The following AIF1L variants were observed in gnomAD, a reference collection of about 807,000 sequenced individuals.
The protein encoded by AIF1L is allograft inflammatory factor 1 like.
AIF1L carries 12 observed loss-of-function variants against 20.7 expected under a neutral mutation model. The ratio of observed to expected loss-of-function variants is 0.58; its 90% CI spans 0.37 to 0.94. The LOEUF (loss-of-function observed/expected upper bound fraction) is 0.94. AIF1L is among the 40% of genes least tolerant of loss of function. The probability of loss-of-function intolerance (pLI) is 0.01; values close to 1 mark genes in which losing one functional copy is unlikely to be tolerated. For synonymous variants in AIF1L, 76 were observed against 65.1 expected (o/e 1.17, Z -0.81); for missense variants, 173 against 185.3 (o/e 0.93, Z 0.39).
In AIF1L at chr9:131,120,712, G is replaced by A. The variant is rs1051956055; in HGVS notation, c.*390G>A. On this transcript the variant is annotated 3_prime_UTR_variant, in exon 6 of 6. Transcript: ENST00000247291. ...TCAGGCTCACTGACCTGGCTCTGAC[G>A]AGGACCCCAGGCCACTCTGAGAAGA... 7 of 299,882 alleles carry A rather than the reference G, an allele frequency of 2.3e-5. No homozygotes were observed. Among genetic ancestry groups the A allele is most frequent in the East Asian group, 1.8e-4 (3 of 16,644 alleles). 18.6% of individuals were successfully genotyped at this position (299,882 alleles called of 1,614,324 possible).
intron 3 of AIF1L, 56 bp from the exon 4 acceptor site, chr9:131,114,521 C>T: frequency 6.2e-7 from 1 of 1,600,342 alleles, no homozygotes; most frequent in Non-Finnish European, 8.6e-7. Flanking sequence ...CCACTGGGTC[C>T]CCACAGGGAG....
chr9:131,099,220 T>A (rs1440161950), intron 2 of AIF1L, among the ~76,000 whole-genome samples: 3 of 152,158 alleles, frequency 2.0e-5, no homozygotes, highest in Non-Finnish European at 4.4e-5. Context: ...TGGAAGATAC[T>A]CCGCCCTGGC....
Position 131,120,328 on chromosome 9 carries a change from C to T in AIF1L, c.*6C>T. 1 of 1,606,382 alleles carries T rather than the reference C, an allele frequency of 6.2e-7. No homozygotes were observed. On this transcript the variant is annotated 3_prime_UTR_variant, in exon 6 of 6. Transcript: ENST00000247291. Reference sequence around the variant, plus strand: ...ACATTGCTAGCCTGCCCTGAGGACCCCGCCTGGACTCCCCAGCCTTCCCAC... The same window carrying T: ...ACATTGCTAGCCTGCCCTGAGGACCTCGCCTGGACTCCCCAGCCTTCCCAC...
In AIF1L at chr9:131,118,174, C is replaced by A. The variant is rs753137055; in HGVS notation, c.365+256C>A. ...GTGGTGTGATCTTGGCTCACTGCAA[C>A]CTCCGCCTCCTGGGTTCAAGTGATT... On this transcript the variant is annotated intron_variant, in intron 5 of 5. Coordinates refer to ENST00000247291, the MANE Select transcript of AIF1L (RefSeq NM_031426.4). Among the ~76,000 whole-genome samples, 4 of 152,066 alleles carry A rather than the reference C, an allele frequency of 2.6e-5. No individual in the cohort carries two copies. In the South Asian group the frequency reaches 8.3e-4, roughly 32 times the overall value.
intron 2 of AIF1L, among the ~76,000 whole-genome samples, chr9:131,110,866 A>T (rs1254722504): frequency 6.6e-6 from 1 of 151,986 alleles, no homozygotes; most frequent in African/African-American, 2.4e-5. Flanking sequence ...ATAAGGCAAT[A>T]GAAGTGTGGG....
rs1048434092 is a variant in AIF1L at position 131,111,508 on chromosome 9, T to A, written c.94-89T>A. 4.1e-6 allele frequency: 5 copies of A among 1,216,974 alleles called. No individual in the cohort carries two copies. The Admixed American group carries it at 9.2e-5, about 22-fold the overall frequency. The allele number at this position is 1,216,974 out of a possible 1,614,324, so 75.4% of individuals were successfully genotyped here. ...GGTCTGGTCGCACCTGGTTACCCGA[T>A]AGGAGGGAAGGCCCCCGGACAGTGG... On this transcript the variant is annotated intron_variant, in intron 2 of 5. Transcript: ENST00000247291.
At chr9:131,111,945 G>T in intron 3 of AIF1L, 1 of 470,570 alleles carries the variant, frequency 2.1e-6, no homozygotes, top group Non-Finnish European at 3.9e-6. Context: ...GGCTCAGGCT[G>T]GTTCCCGTCC....
chr9:131,114,669 G>A, intron 4 of AIF1L, 51 bp downstream of exon 4: 1 of 1,606,924 alleles, frequency 6.2e-7, no homozygotes. Context: ...AGTGGGTAGA[G>A]GGCTTGAGGG....
chr9:131,113,523 A>C (rs970536034), intron 3 of AIF1L, among the ~76,000 whole-genome samples: 1 of 150,060 alleles, frequency 6.7e-6, no homozygotes, highest in Admixed American at 6.7e-5. Flanking sequence ...AAAAAAAAGC[A>C]TAATGGTTAA....
intron 1 of AIF1L, 47 bp downstream of exon 1, chr9:131,096,707 C>T: frequency 2.1e-6 from 3 of 1,447,780 alleles, no homozygotes; most frequent in Non-Finnish European, 2.7e-6. Flanking sequence ...GCCGGGCGGA[C>T]CGCGGGGTCC....
chr9:131,120,157 G>A, intron 5 of AIF1L, 78 bp from the exon 6 acceptor site: 1 of 1,391,224 alleles, frequency 7.2e-7, no homozygotes, highest in Non-Finnish European at 1.0e-6. Flanking sequence ...ATGAGGCTGG[G>A]ATGATCTTTC....
At chr9:131,112,898 C>T (rs1281468531) in intron 3 of AIF1L, among the ~76,000 whole-genome samples, 1 of 152,074 alleles carries the variant, frequency 6.6e-6, no homozygotes, top group Non-Finnish European at 1.5e-5. Context: ...GGCTCTGGCA[C>T]CCTTTCTACT....
chr9:131,121,133 A>G lies in AIF1L; in HGVS notation c.*811A>G, dbSNP rs955088354. ...TAGGGAGGTTACTGAGGGGACCAGG[A>G]TGGGAGAATGAGGAGTAAAATGCTC... is the stretch of plus-strand genomic sequence containing the variant. On this transcript the variant is annotated 3_prime_UTR_variant, in exon 6 of 6. Coordinates refer to ENST00000247291, the MANE Select transcript of AIF1L (RefSeq NM_031426.4). The G allele has an allele frequency of 4.5e-5, 32 of 713,890 alleles. No homozygotes were observed. In the Admixed American group the frequency reaches 5.4e-4, roughly 12 times the overall value. 44.2% of individuals were successfully genotyped at this position (713,890 alleles called of 1,614,324 possible). A position where few individuals can be genotyped will look rare whatever the true frequency, so the allele number is the denominator to read the frequency against.
intron 2 of AIF1L, among the ~76,000 whole-genome samples, chr9:131,108,927 C>G (rs1204030313): frequency 6.6e-6 from 1 of 152,198 alleles, no homozygotes; most frequent in Non-Finnish European, 1.5e-5. Flanking sequence ...ATCCTCTATT[C>G]TGCTTGAAGC....
chr9:131,112,015 G>A (rs568545387), intron 3 of AIF1L: 19 of 272,340 alleles, frequency 7.0e-5, no homozygotes, highest in Non-Finnish European at 1.2e-4. Flanking sequence ...TTGTGAGCAA[G>A]CCTTGCCTCT....
At chr9:131,098,930 T>C (rs1261760331) in intron 2 of AIF1L, among the ~76,000 whole-genome samples, 1 of 152,084 alleles carries the variant, frequency 6.6e-6, no homozygotes, top group African/African-American at 2.4e-5. Flanking sequence ...GCCCAGGATC[T>C]GGGGCCCTGT....
intron 4 of AIF1L, 118 bp downstream of exon 4, chr9:131,114,736 G>A (rs530855608): frequency 1.5e-5 from 20 of 1,301,668 alleles, no homozygotes; most frequent in Admixed American, 1.0e-4. Context: ...AATATGTTGC[G>A]CCGAGCCAGC....
intron 2 of AIF1L, chr9:131,102,769 C>T: frequency 5.2e-6 from 2 of 384,582 alleles, no homozygotes; most frequent in Non-Finnish European, 1.0e-5. Context: ...CCACTTGTGG[C>T]CTGGCCCTGG....
intron 5 of AIF1L, among the ~76,000 whole-genome samples, chr9:131,118,358 G>A (rs1026613573): frequency 9.2e-5 from 14 of 152,062 alleles, no homozygotes; most frequent in African/African-American, 3.4e-4. Context: ...CTCCCAAAAT[G>A]TTAGGATTAT....
Sources: allele counts gnomAD v4.1 joint callset (sites outside exome capture counted in the v4.1 genomes callset), GRCh38; gene constraint gnomAD v4.1.1; transcripts MANE v1.5; gene names NCBI Gene and HGNC (gene_info 2026-07-23, HGNC 2026-07-21).